Variants in CNTN6 observed in about 807,000 individuals in gnomAD.
The protein encoded by CNTN6 is contactin 6.
A neutral mutation model predicts 122.8 loss-of-function variants in CNTN6; 137 were observed. The observed-to-expected ratio is 1.12, with a 90% confidence interval of 0.97 to 1.29. The LOEUF is 1.29. Ranked by LOEUF, CNTN6 falls within the 50% of genes most tolerant of loss-of-function variation. The pLI is 0.00. For missense variants in CNTN6, 1,634 were observed against 1,223.4 expected, an observed-to-expected ratio of 1.34 and a Z score of -5.01; for synonymous variants, 570 against 426.0, an observed-to-expected ratio of 1.34 and a Z score of -4.16.
chr3:1,173,366 C>T (rs1575116048), intron 2 of CNTN6: 4 of 452,490 alleles, frequency 8.8e-6, no homozygotes, highest in Admixed American at 2.4e-5. Flanking sequence ...CTAAGCTTTA[C>T]AGCATGTGCT....
At chr3:1,194,577 C>T (rs190506406) in intron 2 of CNTN6, among the ~76,000 whole-genome samples, 18 of 151,952 alleles carry the variant, frequency 1.2e-4, no homozygotes, top group African/African-American at 4.3e-4. Flanking sequence ...TCTAGGATTC[C>T]CTGTTCTCAA....
chr3:1,200,933 CT>C (rs59538115), intron 2 of CNTN6, among the ~76,000 whole-genome samples: 204 of 140,876 alleles, frequency 1.4e-3, no homozygotes, highest in South Asian at 5.1e-3. Context: ...TTCTTTTTTT[CT>C]TTTTTTTTTT....
At position 1,217,196 on chromosome 3, in the gene CNTN6, C is replaced by T. The variant is rs1467647892; in HGVS notation, c.56-3491C>T. Among the ~76,000 whole-genome samples the T allele has an allele frequency of 2.0e-5, 3 of 152,188 alleles. No homozygotes were observed. In the East Asian group the frequency reaches 5.8e-4, roughly 29 times the overall value. ...CGTTCTTAACCAGTAGCTCTATGGTCTTTCCAACCAAGAAGTCTGACCTGA... is the reference window on the plus strand; with the variant it reads ...CGTTCTTAACCAGTAGCTCTATGGTTTTTCCAACCAAGAAGTCTGACCTGA... On this transcript the variant is annotated intron_variant, in intron 2 of 22. Coordinates refer to ENST00000446702, the MANE Select transcript of CNTN6 (RefSeq NM_001289080.2).
At chr3:1,111,380 A>C (rs2091473662) in intron 1 of CNTN6, among the ~76,000 whole-genome samples, 1 of 152,172 alleles carries the variant, frequency 6.6e-6, no homozygotes, top group Non-Finnish European at 1.5e-5. Flanking sequence ...TCTCATAAAA[A>C]CCTCAAAGGA....
intron 17 of CNTN6, 116 bp from the exon 18 acceptor site, chr3:1,382,825 CA>C (rs1419789451): frequency 1.4e-6 from 1 of 706,654 alleles, no homozygotes. Context: ...CATCATTAAA[CA>C]GAATAAATAT....
intron 4 of CNTN6, among the ~76,000 whole-genome samples, chr3:1,247,849 T>C (rs1415606491): frequency 6.6e-6 from 1 of 151,728 alleles, no homozygotes; most frequent in Non-Finnish European, 1.5e-5. Flanking sequence ...ACATAACATT[T>C]GTTAAAAAAA....
At chr3:1,109,478 C>A (rs749478434) in intron 1 of CNTN6, among the ~76,000 whole-genome samples, 3 of 151,834 alleles carry the variant, frequency 2.0e-5, no homozygotes, top group African/African-American at 7.3e-5. Context: ...TTTTTCTATT[C>A]CCAGTTTAAT....
At chr3:1,284,793 A>T (rs2125820485) in intron 5 of CNTN6, among the ~76,000 whole-genome samples, 1 of 152,322 alleles carries the variant, frequency 6.6e-6, no homozygotes, top group Middle Eastern at 3.4e-3. Flanking sequence ...AGGGAGTGAG[A>T]CACATTAAGT....
intron 4 of CNTN6, among the ~76,000 whole-genome samples, chr3:1,240,983 C>T (rs1350760370): frequency 6.6e-6 from 1 of 151,638 alleles, no homozygotes; most frequent in African/African-American, 2.4e-5. Flanking sequence ...AAAGTACATT[C>T]TCAAGGGTGG....
intron 11 of CNTN6, among the ~76,000 whole-genome samples, chr3:1,336,820 C>T (rs17037922): frequency 0.031 from 4,706 of 152,166 alleles, 122 homozygotes; most frequent in South Asian, 0.055. Context: ...CCTGGCTCCG[C>T]AATGCCCAGA....
chr3:1,152,504 C>T (rs548578386), intron 2 of CNTN6, among the ~76,000 whole-genome samples: 2 of 152,032 alleles, frequency 1.3e-5, no homozygotes, highest in African/African-American at 4.8e-5. Context: ...TGAAAAACCA[C>T]GTAGGGTCAA....
intron 5 of CNTN6, among the ~76,000 whole-genome samples, chr3:1,281,560 A>G (rs902690025): frequency 2.0e-5 from 3 of 150,878 alleles, no homozygotes; most frequent in Non-Finnish European, 2.9e-5. Context: ...CGCCTCCCAG[A>G]TTCAAGGGAT....
chr3:1,115,080 C>G (rs548321676), intron 1 of CNTN6, among the ~76,000 whole-genome samples: 22 of 151,842 alleles, frequency 1.4e-4, no homozygotes, highest in Non-Finnish European at 2.6e-4. Context: ...GTTTTAAGAC[C>G]AAAAAAATAG....
chr3:1,343,311 A>T (rs887149726), intron 11 of CNTN6, among the ~76,000 whole-genome samples: 1 of 152,114 alleles, frequency 6.6e-6, no homozygotes, highest in Admixed American at 6.6e-5. Context: ...ACTCTGTGAG[A>T]ATGTTGGCAC....
intron 4 of CNTN6, among the ~76,000 whole-genome samples, chr3:1,237,868 C>T (rs570076941): frequency 6.6e-6 from 1 of 152,122 alleles, no homozygotes; most frequent in Non-Finnish European, 1.5e-5. Context: ...TTTGCCACTA[C>T]CAAGCCAACA....
At chr3:1,139,903 C>T (rs531665108) in intron 1 of CNTN6, among the ~76,000 whole-genome samples, 1 of 152,296 alleles carries the variant, frequency 6.6e-6, no homozygotes, top group African/African-American at 2.4e-5. Flanking sequence ...GCTATTGTTT[C>T]AGGCACATGT....
At chr3:1,271,591 C>A (rs774948178) in intron 4 of CNTN6, among the ~76,000 whole-genome samples, 35 of 152,014 alleles carry the variant, frequency 2.3e-4, no homozygotes, top group Non-Finnish European at 4.3e-4. Flanking sequence ...TGTTCACATG[C>A]AGATACAGGG....
In CNTN6 at chr3:1,192,517, G is replaced by A. The variant is rs138314577; in HGVS notation, c.56-28170G>A. Among the ~76,000 whole-genome samples the A allele has an allele frequency of 3.9e-3, 592 of 152,196 alleles. 2 individuals are homozygous for A. Among genetic ancestry groups the A allele is most frequent in the Middle Eastern group, 0.014 (4 of 294 alleles). On this transcript the variant is annotated intron_variant, in intron 2 of 22. Coordinates refer to ENST00000446702, the MANE Select transcript of CNTN6 (RefSeq NM_001289080.2). ...CCTCATTTGCTGCAAATGTATAATG[G>A]ACCCTGTGCTCATTGAGCTCCATCT... is the stretch of plus-strand genomic sequence containing the variant.
At chr3:1,370,337 G>A (rs1188187809) in intron 12 of CNTN6, among the ~76,000 whole-genome samples, 2 of 151,932 alleles carry the variant, frequency 1.3e-5, no homozygotes, top group African/African-American at 2.4e-5. Context: ...ATCACACACC[G>A]GGGACTATTG....
Sources: gnomAD v4.1 joint callset for allele counts (sites outside exome capture counted in the v4.1 genomes callset) on GRCh38, gnomAD v4.1.1 for gene constraint, MANE v1.5 for transcripts, NCBI Gene and HGNC (gene_info 2026-07-23, HGNC 2026-07-21) for gene names.